Variants in RNF213 observed in about 807,000 individuals in gnomAD.
RNF213 encodes the protein E3 ubiquitin-protein ligase RNF213.
A neutral mutation model predicts 514.4 loss-of-function variants in RNF213; 341 were observed. The observed-to-expected ratio is 0.66, with a 90% CI of 0.61 to 0.73. The LOEUF (loss-of-function observed/expected upper bound fraction) is 0.73, where lower values mean the gene tolerates loss of function less well. Among genes scored for constraint, RNF213 ranks in the 30% least tolerant of loss-of-function variants. RNF213 has a pLI of 0.00. For missense variants in RNF213, 5,767 were observed against 6,615.6 expected (o/e 0.87, Z 4.45); for synonymous variants, 2,655 against 2,658.2 (o/e 1.00, Z 0.04).
rs2080666641 is a variant in RNF213, at chr17:80,396,653, GTTCA to G, written c.*3158_*3161del. On this transcript the variant is annotated 3_prime_UTR_variant, in exon 68 of 68. Transcript: ENST00000582970. ...TTCTGCATTATTCTCATCCTATCAC[GTTCA>G]TTAAGTTCAACCATTACCATTACGA... is the stretch of plus-strand genomic sequence containing the variant. The G allele has an allele frequency of 6.8e-6, 1 of 147,140 alleles. No individual in the cohort carries two copies. Among genetic ancestry groups the G allele is most frequent in the African/African-American group, 2.5e-5 (1 of 40,048 alleles). The allele number at this position is 147,140 out of a possible 1,614,324, so 9.1% of individuals were successfully genotyped here. A position where few individuals can be genotyped will look rare whatever the true frequency, so the allele number is the denominator to read the frequency against.
chr17:80,298,719 C>A, intron 11 of RNF213: 5 of 587,706 alleles, frequency 8.5e-6, no homozygotes, highest in Non-Finnish European at 1.5e-5. Flanking sequence ...AATCCCAGCA[C>A]TTTGGGAGGC....
rs1260124414 is a variant in RNF213, at chr17:80,384,922, G to A, written c.14323-117G>A. 1.9e-5 allele frequency: 21 copies of A among 1,082,380 alleles called. No homozygotes were observed. In the East Asian group the frequency reaches 5.2e-4, roughly 27 times the overall value. 67.0% of individuals were successfully genotyped at this position (1,082,380 alleles called of 1,614,324 possible). On this transcript the variant is annotated intron_variant, in intron 59 of 67. Transcript: ENST00000582970. ...AGCTCCACGCTGCATCACAGGAAAT[G>A]ACACTGACCAGATTAAGCTACAAAT...
At chr17:80,300,528 G>A (rs1442513974) in intron 11 of RNF213, among the ~76,000 whole-genome samples, 1 of 151,724 alleles carries the variant, frequency 6.6e-6, no homozygotes, top group Non-Finnish European at 1.5e-5. Context: ...GCAGGCATGA[G>A]CCACCACGCC....
intron 20 of RNF213, among the ~76,000 whole-genome samples, chr17:80,329,129 C>CT (rs2046349908): frequency 1.3e-5 from 2 of 152,192 alleles, no homozygotes; most frequent in Admixed American, 1.3e-4. Context: ...CCTCCACCTC[C>CT]TAGGAGCCTT....
In RNF213 at chr17:80,363,185, G is replaced by A; in HGVS notation, c.11439G>A (p.Trp3813Ter). The change falls in exon 40 of 68, where the codon TGG (tryptophan) becomes TGA (stop). Residue 3813 changes from tryptophan (W) to a stop codon, truncating the protein, a stop_gained. Coordinates refer to ENST00000582970, the MANE Select transcript of RNF213 (RefSeq NM_001256071.3). LOFTEE classifies it high-confidence loss of function. Reference sequence around the variant, plus strand: ...CCGAGGAAGAGGTTTCCTTACCGTGGGTGCACCTTGCCTACCAGCGTTTCA... The same window carrying A: ...CCGAGGAAGAGGTTTCCTTACCGTGAGTGCACCTTGCCTACCAGCGTTTCA... ...EAPEEEVSLP[W>*]VHLAYQRFRS... 6.2e-7 allele frequency: 1 copy of A among 1,614,204 alleles called. No homozygotes were observed. The highest frequency in any genetic ancestry group is 1.1e-5 in the South Asian group (1 of 91,086).
chr17:80,359,790 G>A (rs142823141), intron 37 of RNF213, among the ~76,000 whole-genome samples: 1 of 152,172 alleles, frequency 6.6e-6, no homozygotes, highest in East Asian at 1.9e-4. Context: ...AGAAGACTTG[G>A]TTCTGCCCGA....
chr17:80,301,222 A>T (rs570696017), intron 11 of RNF213, among the ~76,000 whole-genome samples: 1 of 152,050 alleles, frequency 6.6e-6, no homozygotes, highest in Non-Finnish European at 1.5e-5. Flanking sequence ...GCCCATTCCT[A>T]TGTCTAGAAT....
intron 3 of RNF213, among the ~76,000 whole-genome samples, chr17:80,281,798 A>T: frequency 6.6e-6 from 1 of 152,268 alleles, no homozygotes. Flanking sequence ...CCAGTCCCAG[A>T]TATGAAACGG....
intron 47 of RNF213, 26 bp downstream of exon 47, chr17:80,372,011 T>A (rs761474968): frequency 3.3e-6 from 4 of 1,230,140 alleles, no homozygotes; most frequent in Non-Finnish European, 3.6e-6. Context: ...CTTCCCTGAA[T>A]TTCTTTTGGA....
intron 39 of RNF213, among the ~76,000 whole-genome samples, chr17:80,362,270 A>T (rs982793632): frequency 2.6e-5 from 4 of 152,234 alleles, no homozygotes; most frequent in East Asian, 1.9e-4. Flanking sequence ...CTACCTAAAA[A>T]TTTTAAACTT....
At position 80,345,775 on chromosome 17, in the gene RNF213, G is replaced by A; in HGVS notation, c.7440G>A (p.Leu2480=). Residue 2480 remains leucine (L), a synonymous_variant, in exon 29 of 68, where the codon TTG becomes TTA. Coordinates refer to ENST00000582970, the MANE Select transcript of RNF213 (RefSeq NM_001256071.3). The surrounding 1 kb of genome is among the most constrained non-coding windows in gnomAD (Gnocchi z 6.0). ...TCGCCAATAAGGACCAACATCAGTT[G>A]GACACCATCTTGTTTTTTGATGAAG... ...VAFANKDQHQ[L]DTILFFDEAN... 1 of 1,614,172 alleles carries A rather than the reference G, an allele frequency of 6.2e-7. No individual in the cohort carries two copies. The highest frequency in any genetic ancestry group is 2.2e-5 in the East Asian group (1 of 44,880).
At position 80,377,790 on chromosome 17, in the gene RNF213, G is replaced by A. The variant is rs772257532; in HGVS notation, c.13539G>A (p.Val4513=). 9.3e-6 allele frequency: 15 copies of A among 1,614,036 alleles called. No homozygotes were observed. The highest frequency in any genetic ancestry group is 1.3e-5 in the African/African-American group (1 of 74,902). The change falls in exon 54 of 68, where the codon GTG becomes GTA. Residue 4513 remains valine, a synonymous_variant. Coordinates refer to ENST00000582970, the MANE Select transcript of RNF213 (RefSeq NM_001256071.3). The surrounding 1 kb of genome is among the most constrained non-coding windows in gnomAD (Gnocchi z 4.1). ...GTCCCAACGGCCATCCTTGCTCCGT[G>A]GGAGAGGTGAGTCTTGGTATTTAAG... ...YTCPNGHPCS[V]GECGRPMEQS...
chr17:80,291,888 T>A, intron 8 of RNF213, 61 bp downstream of exon 8: 1 of 1,382,270 alleles, frequency 7.2e-7, no homozygotes, highest in Non-Finnish European at 1.0e-6. Context: ...AATCCCGCGG[T>A]ACTGGACGCG....
chr17:80,289,077 G>A (rs2044583496), intron 5 of RNF213, among the ~76,000 whole-genome samples: 1 of 152,184 alleles, frequency 6.6e-6, no homozygotes, highest in African/African-American at 2.4e-5. Flanking sequence ...GGAAGGTCAT[G>A]TGCAGAGGCC....
In RNF213 at chr17:80,376,589, C is replaced by T. The variant is rs1373366568; in HGVS notation, c.13428+46C>T. Reference sequence around the variant, plus strand: ...CATCGGCCTTCACTGGAACACCCCCCAGAGCTTGTCACTGTAGAGACCGAG... The same window carrying T: ...CATCGGCCTTCACTGGAACACCCCCTAGAGCTTGTCACTGTAGAGACCGAG... On this transcript the variant is annotated intron_variant, in intron 52 of 67. Transcript: ENST00000582970. 7.4e-6 allele frequency: 12 copies of T among 1,612,790 alleles called. No homozygotes were observed. The South Asian group carries it at 1.2e-4, about 16-fold the overall frequency.
intron 59 of RNF213, 71 bp from the exon 60 acceptor site, chr17:80,384,968 C>T (rs1467889454): frequency 4.6e-6 from 7 of 1,533,726 alleles, no homozygotes; most frequent in Non-Finnish European, 6.3e-6. Flanking sequence ...CAGCCAGTCT[C>T]AAAGTCTGTA....
chr17:80,385,568 TCA>T lies in RNF213; in HGVS notation c.14489_14490del (p.Thr4830SerfsTer14). 1 of 1,614,182 alleles carries T rather than the reference TCA, an allele frequency of 6.2e-7. No individual in the cohort carries two copies. Among genetic ancestry groups the T allele is most frequent in the Non-Finnish European group, 8.5e-7 (1 of 1,180,020 alleles). On this transcript the variant is annotated frameshift_variant, in exon 61 of 68. Transcript: ENST00000582970. LOFTEE classifies it high-confidence loss of function. ...TTGAGGCAGCTGCTTCACAACAGGA[TCA>T]CAGTCTTTCTGTCCACATGGAACAA...
At chr17:80,299,553 T>G (rs1422223583) in intron 11 of RNF213, among the ~76,000 whole-genome samples, 1 of 151,942 alleles carries the variant, frequency 6.6e-6, no homozygotes, top group Non-Finnish European at 1.5e-5. Context: ...TTTATTTATT[T>G]ATTTATTTAT....
rs1251442850 is a variant in RNF213, at chr17:80,315,446, G to C, written c.2812-1742G>C. Among the ~76,000 whole-genome samples the C allele has an allele frequency of 4.7e-4, 2 of 4,254 alleles. 1 individual carries two copies. Among genetic ancestry groups the C allele is most frequent in the Non-Finnish European group, 7.6e-4 (2 of 2,648 alleles). 2.8% of individuals were successfully genotyped at this position (4,254 alleles called of 152,430 possible). A position where few individuals can be genotyped will look rare whatever the true frequency, so the allele number is the denominator to read the frequency against. ...TGGAGGTAATGGAGGTGATGGTGGTGGTGGTGGTGGTACTGGAGGTGATGG... is the reference window on the plus strand; with the variant it reads ...TGGAGGTAATGGAGGTGATGGTGGTCGTGGTGGTGGTACTGGAGGTGATGG... On this transcript the variant is annotated intron_variant, in intron 15 of 67. Coordinates refer to ENST00000582970, the MANE Select transcript of RNF213 (RefSeq NM_001256071.3).
Sources: gnomAD v4.1 joint callset for allele counts (sites outside exome capture counted in the v4.1 genomes callset) on GRCh38, gnomAD v4.1.1 for gene constraint, Gnocchi (gnomAD v3.1) non-coding constraint, MANE v1.5 for transcripts, NCBI Gene and HGNC (gene_info 2026-07-23, HGNC 2026-07-21) for gene names.